ITPR2: variants seen among roughly 807,000 people sequenced by gnomAD.
The protein encoded by ITPR2 is inositol 1,4,5-trisphosphate receptor type 2.
A neutral mutation model predicts 317.1 loss-of-function variants in ITPR2; 207 were observed. The observed-to-expected ratio is 0.65, with a 90% confidence interval of 0.58 to 0.73. The LOEUF (loss-of-function observed/expected upper bound fraction) is 0.73, where lower values mean the gene tolerates loss of function less well. Ranked by LOEUF, ITPR2 falls within the 30% of genes least tolerant of loss-of-function variation. The pLI is 0.00. For synonymous variants in ITPR2, 1,156 were observed against 1,149.1 expected (o/e 1.01, Z -0.12); for missense variants, 2,613 against 3,284.0 (o/e 0.80, Z 4.99).
At chr12:26,750,322 G>GTA (rs767086360) in intron 2 of ITPR2, among the ~76,000 whole-genome samples, 8 of 152,050 alleles carry the variant, frequency 5.3e-5, no homozygotes, top group Non-Finnish European at 8.8e-5. Flanking sequence ...GTGACCTCTT[G>GTA]TACTAGACAT....
chr12:26,759,368 A>T (rs1180614504), intron 2 of ITPR2, among the ~76,000 whole-genome samples: 3 of 152,232 alleles, frequency 2.0e-5, no homozygotes, highest in Non-Finnish European at 4.4e-5. Context: ...GAATGTCCTA[A>T]AACACTTTGT....
intron 26 of ITPR2, among the ~76,000 whole-genome samples, chr12:26,604,066 T>C (rs1441530235): frequency 6.6e-6 from 1 of 152,186 alleles, no homozygotes; most frequent in Non-Finnish European, 1.5e-5. Flanking sequence ...CCAATTGATA[T>C]GATTTATTTG....
At chr12:26,435,548 C>T (rs936435944) in intron 48 of ITPR2, among the ~76,000 whole-genome samples, 8 of 152,166 alleles carry the variant, frequency 5.3e-5, no homozygotes, top group Non-Finnish European at 1.0e-4. Flanking sequence ...CTCCACCAAA[C>T]TTATACAAAA....
At chr12:26,507,857 C>A (rs144243242) in intron 37 of ITPR2, among the ~76,000 whole-genome samples, 1 of 88,250 alleles carries the variant, frequency 1.1e-5, no homozygotes, top group Non-Finnish European at 2.8e-5. Context: ...TCTTCTCTCT[C>A]TGTCTCTGTG....
rs11422176 is a variant in ITPR2 at position 26,817,180 on chromosome 12, CAAAAAAAAAA to C, written c.92+15500_92+15509del. On this transcript the variant is annotated intron_variant, in intron 1 of 56. Transcript: ENST00000381340. ...TGGGCGACAGACCGAGAGTCTCTTT[CAAAAAAAAAA>C]AAAAAAAAAAAAGGGCAGTACGAAC... Among the ~76,000 whole-genome samples the C allele has an allele frequency of 1.0e-4, 6 of 57,672 alleles. No individual in the cohort carries two copies. The East Asian group carries it at 1.6e-3, about 16-fold the overall frequency. The allele number at this position is 57,672 out of a possible 152,430, so 37.8% of individuals were successfully genotyped here.
rs11383259 is a variant in ITPR2 at position 26,605,388 on chromosome 12, A to ATT, written c.3463-2684_3463-2683dup. 7.0e-3 allele frequency among the ~76,000 whole-genome samples: 1,066 copies of ATT among 151,666 alleles called. 7 individuals are homozygous for ATT. The highest frequency in any genetic ancestry group is 0.011 in the Non-Finnish European group (748 of 67,894). On this transcript the variant is annotated intron_variant, in intron 26 of 56. Transcript: ENST00000381340. The stretch of plus-strand genomic sequence containing the variant: ...GGCTGGATTTTTAAAAGGCCATTTC[A>ATT]TTTTTTTTCTGTAAGAGAAGAAATA...
At chr12:26,565,861 G>A (rs1944949863) in intron 34 of ITPR2, among the ~76,000 whole-genome samples, 1 of 68,990 alleles carries the variant, frequency 1.4e-5, no homozygotes, top group African/African-American at 5.2e-5. Flanking sequence ...GGAGAGGAGA[G>A]GGGAGGGGAG....
At position 26,757,135 on chromosome 12, in the gene ITPR2, A is replaced by C. The variant is rs138622921; in HGVS notation, c.164-31370T>G. On this transcript the variant is annotated intron_variant, in intron 2 of 56. Coordinates refer to ENST00000381340, the MANE Select transcript of ITPR2 (RefSeq NM_002223.4). ...TCCACCTCTTGTTTAGCATATTATC[A>C]AGAAATAACCATAAAAATGGGCAAG... Among the ~76,000 whole-genome samples the C allele has an allele frequency of 8.4e-3, 1,277 of 152,294 alleles. 8 individuals are homozygous for C. The highest frequency in any genetic ancestry group is 0.012 in the Non-Finnish European group (831 of 68,014).
chr12:26,628,241 A>C, intron 22 of ITPR2, 79 bp from the exon 23 acceptor site: 1 of 1,055,726 alleles, frequency 9.5e-7, no homozygotes, highest in Non-Finnish European at 1.3e-6. Flanking sequence ...CACACCAATA[A>C]CAGTGGAAGT....
At chr12:26,828,552 G>C (rs966588389) in intron 1 of ITPR2, among the ~76,000 whole-genome samples, 3 of 152,180 alleles carry the variant, frequency 2.0e-5, no homozygotes, top group Non-Finnish European at 2.9e-5. Context: ...ACAAAATCAT[G>C]AATCAGTCTG....
chr12:26,722,671 A>G (rs1948857303), intron 4 of ITPR2, 116 bp from the exon 5 acceptor site: 9 of 737,452 alleles, frequency 1.2e-5, no homozygotes, highest in Middle Eastern at 6.1e-4. Context: ...GATGAAAATT[A>G]AACAAAGGAG....
intron 21 of ITPR2, among the ~76,000 whole-genome samples, chr12:26,638,946 A>G (rs767773904): frequency 7.6e-4 from 115 of 152,242 alleles, no homozygotes; most frequent in Non-Finnish European, 1.4e-3. Context: ...GTTGAGTTCA[A>G]GTTTAGTAGG....
At chr12:26,521,133 T>TTG (rs1943650764) in intron 37 of ITPR2, among the ~76,000 whole-genome samples, 1 of 146,064 alleles carries the variant, frequency 6.8e-6, no homozygotes. Context: ...TAATGCTGAT[T>TTG]TATTTTATTA....
At chr12:26,552,033 G>A (rs1944537164) in intron 36 of ITPR2, among the ~76,000 whole-genome samples, 1 of 152,186 alleles carries the variant, frequency 6.6e-6, no homozygotes, top group Non-Finnish European at 1.5e-5. Flanking sequence ...CAAGGCGAGT[G>A]AGCAGTGGCA....
chr12:26,649,772 AC>A (rs1258226657), intron 21 of ITPR2, among the ~76,000 whole-genome samples: 2 of 134,862 alleles, frequency 1.5e-5, no homozygotes, highest in South Asian at 5.1e-4. Context: ...GGATAGATAG[AC>A]TAGATAGATA....
chr12:26,479,852 T>C (rs1306747305), intron 43 of ITPR2, among the ~76,000 whole-genome samples: 1 of 152,118 alleles, frequency 6.6e-6, no homozygotes, highest in Non-Finnish European at 1.5e-5. Context: ...TGCTGGAGGA[T>C]CACATGGGCC....
At chr12:26,589,680 G>C (rs1411710327) in intron 32 of ITPR2, among the ~76,000 whole-genome samples, 1 of 149,510 alleles carries the variant, frequency 6.7e-6, no homozygotes, top group African/African-American at 2.5e-5. Context: ...CCAGCTACTC[G>C]GGAGGCTGAG....
In ITPR2 at chr12:26,398,875, C is replaced by A. The variant is rs1335209241; in HGVS notation, c.7696+1G>T. 6.2e-7 allele frequency: 1 copy of A among 1,609,640 alleles called. No homozygotes were observed. The highest frequency in any genetic ancestry group is 8.5e-7 in the Non-Finnish European group (1 of 1,178,568). ...TATTTTAGCATCTGCCGAACACTTA[C>A]CACAGATGAAACAAGTTGTCTTTAG... On this transcript the variant is annotated splice_donor_variant, in intron 54 of 56. Transcript: ENST00000381340. LOFTEE classifies it high-confidence loss of function.
intron 52 of ITPR2, among the ~76,000 whole-genome samples, chr12:26,406,281 T>C (rs573684220): frequency 5.5e-4 from 84 of 152,276 alleles, no homozygotes; most frequent in African/African-American, 1.8e-3. Flanking sequence ...CTGTGAACTT[T>C]GTCCTTTTTT....
Sources: gnomAD v4.1 joint callset for allele counts (sites outside exome capture counted in the v4.1 genomes callset) on GRCh38, gnomAD v4.1.1 for gene constraint, MANE v1.5 for transcripts, NCBI Gene and HGNC (gene_info 2026-07-23, HGNC 2026-07-21) for gene names.